RAB18: variants seen among roughly 807,000 people sequenced by gnomAD.
The protein encoded by RAB18 is RAB18, member RAS oncogene family, also known as ras-related protein Rab-18.
A neutral mutation model predicts 28.5 loss-of-function variants in RAB18; 10 were observed. That is an observed-to-expected ratio of 0.35 (90% CI 0.22 to 0.60). The LOEUF is 0.60. Ranked by LOEUF, RAB18 falls within the 20% of genes least tolerant of loss-of-function variation. RAB18 has a pLI of 0.78. For missense variants in RAB18, 188 were observed against 244.2 expected (o/e 0.77, Z 1.53); for synonymous variants, 93 against 86.9 (o/e 1.07, Z -0.39).
chr10:27,509,623 TGG>T (rs1409576310), intron 1 of RAB18, among the ~76,000 whole-genome samples: 2 of 152,142 alleles, frequency 1.3e-5, no homozygotes, highest in African/African-American at 4.8e-5. Flanking sequence ...CTTTTGTACT[TGG>T]GGGATTGTGT....
chr10:27,509,954 A>T, intron 2 of RAB18, 24 bp downstream of exon 2: 1 of 1,580,360 alleles, frequency 6.3e-7, no homozygotes, highest in South Asian at 1.1e-5. Flanking sequence ...TAAAAATTCT[A>T]TAGAAATGGC....
At chr10:27,521,884 A>G (rs1390444430) in intron 2 of RAB18, among the ~76,000 whole-genome samples, 2 of 151,358 alleles carry the variant, frequency 1.3e-5, no homozygotes, top group Non-Finnish European at 3.0e-5. Flanking sequence ...GGAGGATTTA[A>G]AAAAAAAACA....
At chr10:27,531,505 GT>G (rs1834787307) in intron 3 of RAB18, 1 of 1,542,656 alleles carries the variant, frequency 6.5e-7, no homozygotes, top group Non-Finnish European at 8.8e-7. Context: ...TTTGATACAT[GT>G]TTTTACTTTT....
Position 27,537,989 on chromosome 10 carries a change from CTG to C in RAB18, c.561_562del (p.Ser188ThrfsTer30). 6.2e-7 allele frequency: 1 copy of C among 1,614,104 alleles called. No homozygotes were observed. Among genetic ancestry groups the C allele is most frequent in the African/African-American group, 1.3e-5 (1 of 75,042 alleles). ...ESENQNKGVK[L>X]SHREEGQGGG... ...TGAGAACCAGAATAAAGGAGTCAAA[CTG>C]TCACACAGGGAAGAAGGCCAAGGAG... On this transcript the variant is annotated frameshift_variant, in exon 7 of 7. Coordinates refer to ENST00000356940, the MANE Select transcript of RAB18 (RefSeq NM_021252.5). LOFTEE classifies it high-confidence loss of function.
chr10:27,530,455 C>G (rs1184036534), intron 3 of RAB18, among the ~76,000 whole-genome samples: 1 of 149,654 alleles, frequency 6.7e-6, no homozygotes, highest in Non-Finnish European at 1.5e-5. Context: ...AACAGATAGT[C>G]TGTACTACTA....
In RAB18 at chr10:27,539,054, G is replaced by A. The variant is rs1252937654; in HGVS notation, c.*1003G>A. ...AGGCATATTGCTTCCAGATTCTGAT[G>A]TGTGAGGGAAAATACTGTCACAATG... On this transcript the variant is annotated 3_prime_UTR_variant, in exon 7 of 7. Transcript: ENST00000356940. 1 of 429,394 alleles carries A rather than the reference G, an allele frequency of 2.3e-6. No homozygotes were observed. Among genetic ancestry groups the A allele is most frequent in the Non-Finnish European group, 4.7e-6 (1 of 214,516 alleles). The allele number at this position is 429,394 out of a possible 1,614,324, so 26.6% of individuals were successfully genotyped here.
intron 1 of RAB18, among the ~76,000 whole-genome samples, chr10:27,507,584 T>A (rs1169702800): frequency 1.3e-5 from 2 of 151,682 alleles, no homozygotes; most frequent in South Asian, 2.1e-4. Flanking sequence ...TATGTAAATT[T>A]AAAAAATGCA....
chr10:27,531,357 C>G (rs984691068), intron 3 of RAB18, among the ~76,000 whole-genome samples: 2 of 152,040 alleles, frequency 1.3e-5, no homozygotes, highest in East Asian at 1.9e-4. Context: ...TGAAGCCCCT[C>G]ACGCCCCTGG....
At position 27,526,886 on chromosome 10, in the gene RAB18, A is replaced by G. The variant is rs767743901; in HGVS notation, c.183A>G (p.Ile61Met). The change falls in exon 3 of 7, where the codon ATA (isoleucine) becomes ATG (methionine). Residue 61 changes from isoleucine (I) to methionine (M), a missense_variant. Coordinates refer to ENST00000356940, the MANE Select transcript of RAB18 (RefSeq NM_021252.5). Reference sequence around the variant, plus strand: ...ATGGAAATAAGGCTAAACTTGCAATATGGGTAAGAGTTTTTAAAATGTATT... The same window carrying G: ...ATGGAAATAAGGCTAAACTTGCAATGTGGGTAAGAGTTTTTAAAATGTATT... The part of the protein sequence containing the change: ...SVDGNKAKLA[I>M]WDTAGQERFR... The G allele has an allele frequency of 7.4e-6, 12 of 1,612,188 alleles. No individual in the cohort carries two copies. Among genetic ancestry groups the G allele is most frequent in the Admixed American group, 1.7e-5 (1 of 59,984 alleles).
In RAB18 at chr10:27,520,994, T is replaced by C. The variant is rs141884986; in HGVS notation, c.125-5834T>C. Among the ~76,000 whole-genome samples the C allele has an allele frequency of 1.5e-4, 22 of 150,838 alleles. No homozygotes were observed. The East Asian group carries it at 4.3e-3, about 29-fold the overall frequency. On this transcript the variant is annotated intron_variant, in intron 2 of 6. Transcript: ENST00000356940. The stretch of plus-strand genomic sequence containing the variant: ...TTTCACGGCATTCCCTAAATTTTAA[T>C]ATATTGTATTTTTATTTGTCTCAAG...
intron 2 of RAB18, 36 bp downstream of exon 2, chr10:27,509,966 A>G (rs778351351): frequency 2.6e-6 from 4 of 1,543,122 alleles, no homozygotes; most frequent in Non-Finnish European, 3.6e-6. Context: ...AGAAATGGCC[A>G]GTATTTTCTT....
rs1283915047 is a variant in RAB18, at chr10:27,540,996, A to AT, written c.*2951dup. 8 of 452,990 alleles carry AT rather than the reference A, an allele frequency of 1.8e-5. No homozygotes were observed. In the East Asian group the frequency reaches 5.6e-4, roughly 31 times the overall value. The allele number at this position is 452,990 out of a possible 1,614,324, so 28.1% of individuals were successfully genotyped here. On this transcript the variant is annotated 3_prime_UTR_variant, in exon 7 of 7. Coordinates refer to ENST00000356940, the MANE Select transcript of RAB18 (RefSeq NM_021252.5). Reference sequence around the variant, plus strand: ...TGTCTTTAAGTACAACTTAATACATATTTTTTCTGTGTATTTTTTTCAAAT... The same window carrying AT: ...TGTCTTTAAGTACAACTTAATACATATTTTTTTCTGTGTATTTTTTTCAAAT...
In RAB18 at chr10:27,541,027, C is replaced by T; in HGVS notation, c.*2976C>T. 2.2e-6 allele frequency: 1 copy of T among 452,706 alleles called. No homozygotes were observed. The highest frequency in any genetic ancestry group is 1.6e-5 in the South Asian group (1 of 64,274). The allele number at this position is 452,706 out of a possible 1,614,324, so 28.0% of individuals were successfully genotyped here. A position where few individuals can be genotyped will look rare whatever the true frequency, so the allele number is the denominator to read the frequency against. On this transcript the variant is annotated 3_prime_UTR_variant, in exon 7 of 7. Transcript: ENST00000356940. ...TCTGTGTATTTTTTTCAAATGAACTCAACAATTCTTCAGGTATTATAGATC... is the reference window on the plus strand; with the variant it reads ...TCTGTGTATTTTTTTCAAATGAACTTAACAATTCTTCAGGTATTATAGATC...
At position 27,538,674 on chromosome 10, in the gene RAB18, A is replaced by G. The variant is rs1025018854; in HGVS notation, c.*623A>G. 29 of 453,934 alleles carry G rather than the reference A, an allele frequency of 6.4e-5. No homozygotes were observed. The highest frequency in any genetic ancestry group is 3.2e-4 in the African/African-American group (16 of 49,964). 28.1% of individuals were successfully genotyped at this position (453,934 alleles called of 1,614,324 possible). ...AGCTTGGTATTTTTAATTTACTTCA[A>G]TGATTAGCTCAGTTGCTTAACTGGA... On this transcript the variant is annotated 3_prime_UTR_variant, in exon 7 of 7. Coordinates refer to ENST00000356940, the MANE Select transcript of RAB18 (RefSeq NM_021252.5).
chr10:27,525,952 C>T (rs2132396544), intron 2 of RAB18, among the ~76,000 whole-genome samples: 1 of 152,278 alleles, frequency 6.6e-6, no homozygotes, highest in Middle Eastern at 3.4e-3. Flanking sequence ...TCTTTCCAAG[C>T]TTCTTGAGCT....
chr10:27,504,522 T>C lies in RAB18; in HGVS notation c.68+85T>C, dbSNP rs536816702. The C allele has an allele frequency of 2.9e-3, 4,156 of 1,441,880 alleles. 8 individuals are homozygous for C. Among genetic ancestry groups the C allele is most frequent in the Middle Eastern group, 6.6e-3 (38 of 5,740 alleles). The allele number at this position is 1,441,880 out of a possible 1,614,324, so 89.3% of individuals were successfully genotyped here. A position where few individuals can be genotyped will look rare whatever the true frequency, so the allele number is the denominator to read the frequency against. On this transcript the variant is annotated intron_variant, in intron 1 of 6. Coordinates refer to ENST00000356940, the MANE Select transcript of RAB18 (RefSeq NM_021252.5). ...CTGTCTCCTGGGCCGCGACGGGAAC[T>C]GTAAACTGCAGCGGCGGGCTCGGGC...
At chr10:27,528,240 C>A in intron 3 of RAB18, 1 of 446,276 alleles carries the variant, frequency 2.2e-6, no homozygotes, top group East Asian at 6.4e-5. Flanking sequence ...TTTCTAGTTC[C>A]TGCCTAATAA....
chr10:27,540,486 G>T lies in RAB18; in HGVS notation c.*2435G>T. On this transcript the variant is annotated 3_prime_UTR_variant, in exon 7 of 7. Transcript: ENST00000356940. ...TCCACTATTTCTTTATCACTCTTTT[G>T]TTATATGTAATAGAAGTATTTCACA... 4.4e-6 allele frequency: 2 copies of T among 453,944 alleles called. No individual in the cohort carries two copies. Among genetic ancestry groups the T allele is most frequent in the South Asian group, 3.1e-5 (2 of 64,468 alleles). 28.1% of individuals were successfully genotyped at this position (453,944 alleles called of 1,614,324 possible). A position where few individuals can be genotyped will look rare whatever the true frequency, so the allele number is the denominator to read the frequency against.
At chr10:27,508,515 CTGAG>C (rs1158609729) in intron 1 of RAB18, among the ~76,000 whole-genome samples, 2 of 152,068 alleles carry the variant, frequency 1.3e-5, no homozygotes, top group Non-Finnish European at 2.9e-5. Flanking sequence ...TTATGGGTAA[CTGAG>C]TATGTTGGGA....
Sources: gnomAD v4.1 joint callset for allele counts (sites outside exome capture counted in the v4.1 genomes callset) on GRCh38, gnomAD v4.1.1 for gene constraint, MANE v1.5 for transcripts, NCBI Gene and HGNC (gene_info 2026-07-23, HGNC 2026-07-21) for gene names.